SGCD: variants seen among roughly 807,000 people sequenced by gnomAD.
The protein encoded by SGCD is sarcoglycan delta, also known as delta-sarcoglycan.
In SGCD, 18 loss-of-function variants were observed where a neutral mutation model predicts 36.6. The ratio of observed to expected loss-of-function variants is 0.49; its 90% CI spans 0.34 to 0.73. The LOEUF is 0.73. SGCD is among the 30% of genes least tolerant of loss of function. SGCD has a pLI of 0.01. For missense variants in SGCD, 387 were observed against 346.7 expected, an observed-to-expected ratio of 1.12 and a Z score of -0.92; for synonymous variants, 133 against 130.6, an observed-to-expected ratio of 1.02 and a Z score of -0.12.
intron 1 of SGCD, among the ~76,000 whole-genome samples, chr5:155,882,848 T>G (rs1047412590): frequency 2.6e-5 from 4 of 152,216 alleles, no homozygotes; most frequent in African/African-American, 9.6e-5. Context: ...GGAGTCAGCC[T>G]GCCCTTTGAA....
At chr5:155,937,930 A>G (rs1167431096) in intron 1 of SGCD, among the ~76,000 whole-genome samples, 1 of 152,178 alleles carries the variant, frequency 6.6e-6, no homozygotes, top group East Asian at 1.9e-4. Flanking sequence ...AAGTTTGATG[A>G]TTTACCTGTG....
chr5:156,667,573 A>G (rs1025302586), intron 7 of SGCD, among the ~76,000 whole-genome samples: 4 of 152,208 alleles, frequency 2.6e-5, no homozygotes, highest in African/African-American at 9.6e-5. Context: ...AAATAACAGC[A>G]TAGTTATTCA....
chr5:156,606,378 G>A (rs1329145813), intron 6 of SGCD, among the ~76,000 whole-genome samples: 1 of 152,072 alleles, frequency 6.6e-6, no homozygotes, highest in Non-Finnish European at 1.5e-5. Context: ...TTATTTCTGA[G>A]GGCTCTGTTC....
At chr5:155,910,239 T>C (rs1756602623) in intron 1 of SGCD, among the ~76,000 whole-genome samples, 1 of 152,102 alleles carries the variant, frequency 6.6e-6, no homozygotes, top group Non-Finnish European at 1.5e-5. Flanking sequence ...TGTGTTGACA[T>C]TCTACCTAAT....
intron 7 of SGCD, among the ~76,000 whole-genome samples, chr5:156,731,396 T>C (rs1214275561): frequency 6.6e-6 from 1 of 152,218 alleles, no homozygotes; most frequent in Non-Finnish European, 1.5e-5. Context: ...CTTTAATCCA[T>C]CTTGAGTGAA....
chr5:155,991,062 T>G (rs767064411), intron 1 of SGCD, among the ~76,000 whole-genome samples: 2 of 152,192 alleles, frequency 1.3e-5, no homozygotes, highest in African/African-American at 2.4e-5. Flanking sequence ...CATTCCCAGG[T>G]GAAGGATGCT....
intron 1 of SGCD, among the ~76,000 whole-genome samples, chr5:156,020,173 C>T (rs1759068697): frequency 6.6e-6 from 1 of 152,166 alleles, no homozygotes; most frequent in East Asian, 1.9e-4. Flanking sequence ...TTATGTTGCA[C>T]ATGTTATTTT....
At chr5:155,872,165 A>G (rs1177751964) in intron 1 of SGCD, among the ~76,000 whole-genome samples, 1 of 152,138 alleles carries the variant, frequency 6.6e-6, no homozygotes, top group Non-Finnish European at 1.5e-5. Context: ...AAGAAGAGGA[A>G]ATTAATGAGT....
intron 1 of SGCD, among the ~76,000 whole-genome samples, chr5:156,328,081 A>G (rs1364921212): frequency 1.3e-5 from 2 of 152,242 alleles, no homozygotes; most frequent in Non-Finnish European, 2.9e-5. Context: ...AGAGCTTTTT[A>G]TAAAAATCAA....
chr5:156,491,614 T>A (rs539400548), intron 3 of SGCD, among the ~76,000 whole-genome samples: 137 of 152,232 alleles, frequency 9.0e-4, no homozygotes, highest in Non-Finnish European at 1.5e-3. Context: ...GAAAATTTTT[T>A]AAAAACATAA....
chr5:155,817,021 T>C, the SGCD span, among the ~76,000 whole-genome samples: 1 of 152,226 alleles, frequency 6.6e-6, no homozygotes, highest in African/African-American at 2.4e-5. Flanking sequence ...GTTGCAATCA[T>C]AGTATATACA....
upstream of SGCD, among the ~76,000 whole-genome samples, chr5:156,326,540 G>A (rs1054019630): frequency 1.3e-5 from 2 of 152,224 alleles, no homozygotes; most frequent in African/African-American, 4.8e-5. Flanking sequence ...AACTGTACCA[G>A]TGTGGAAATG....
intron 3 of SGCD, among the ~76,000 whole-genome samples, chr5:156,319,020 A>G (rs945810670): frequency 1.3e-5 from 2 of 152,036 alleles, no homozygotes; most frequent in African/African-American, 4.8e-5. Context: ...GTTTTTGTCA[A>G]TTTCTTTCTG....
chr5:156,726,032 C>T (rs1422872012), intron 7 of SGCD, among the ~76,000 whole-genome samples: 2 of 152,180 alleles, frequency 1.3e-5, no homozygotes, highest in Non-Finnish European at 2.9e-5. Flanking sequence ...ATCTCCAAAG[C>T]ATTTTGCACT....
intron 3 of SGCD, among the ~76,000 whole-genome samples, chr5:156,267,227 A>G (rs1766024952): frequency 6.6e-6 from 1 of 152,190 alleles, no homozygotes; most frequent in Non-Finnish European, 1.5e-5. Context: ...ACTGTGTCAC[A>G]TTTCATCTTA....
At chr5:156,271,439 G>C (rs531951884) in intron 3 of SGCD, among the ~76,000 whole-genome samples, 1 of 152,256 alleles carries the variant, frequency 6.6e-6, no homozygotes, top group African/African-American at 2.4e-5. Flanking sequence ...GCTGGAATCT[G>C]TAGGTAGGCC....
intron 6 of SGCD, among the ~76,000 whole-genome samples, chr5:156,626,230 C>A (rs1173827519): frequency 1.3e-5 from 2 of 152,304 alleles, no homozygotes; most frequent in East Asian, 1.9e-4. Flanking sequence ...TGTAAATAAC[C>A]TTTGTGTCCC....
intron 1 of SGCD, among the ~76,000 whole-genome samples, chr5:155,917,558 C>T (rs1213503157): frequency 6.6e-6 from 1 of 152,072 alleles, no homozygotes; most frequent in African/African-American, 2.4e-5. Context: ...GCCTAACCAA[C>T]TAGAAAGTAG....
intron 1 of SGCD, among the ~76,000 whole-genome samples, chr5:156,056,301 A>G (rs1401540551): frequency 6.8e-6 from 1 of 145,988 alleles, no homozygotes; most frequent in African/African-American, 2.5e-5. Flanking sequence ...ACTGAAACAA[A>G]TCCCTTTCTT....
Sources: gnomAD v4.1 joint callset for allele counts (sites outside exome capture counted in the v4.1 genomes callset) on GRCh38, gnomAD v4.1.1 for gene constraint, MANE v1.5 for transcripts, NCBI Gene and HGNC (gene_info 2026-07-23, HGNC 2026-07-21) for gene names.